The following PRR5L variants were observed in gnomAD, a reference collection of about 807,000 sequenced individuals.
PRR5L encodes proline rich 5 like.
Under a neutral mutation model 36.4 loss-of-function variants are expected in PRR5L, and 21 were observed. The ratio of observed to expected loss-of-function variants is 0.58; its 90% CI spans 0.41 to 0.83. The LOEUF is 0.83. PRR5L is among the 40% of genes least tolerant of loss of function. PRR5L has a pLI of 0.00. For synonymous variants in PRR5L, 188 were observed against 197.0 expected, an observed-to-expected ratio of 0.95 and a Z score of 0.38; for missense variants, 381 against 473.3, an observed-to-expected ratio of 0.80 and a Z score of 1.81.
intron 1 of PRR5L, among the ~76,000 whole-genome samples, chr11:36,333,504 A>C (rs1856739597): frequency 6.6e-6 from 1 of 152,240 alleles, no homozygotes; most frequent in Non-Finnish European, 1.5e-5. Context: ...AGTGGATTAA[A>C]TGAAGTGTGG....
At chr11:36,441,257 G>A (rs1858717064) in intron 6 of PRR5L, among the ~76,000 whole-genome samples, 1 of 152,194 alleles carries the variant, frequency 6.6e-6, no homozygotes, top group South Asian at 2.1e-4. Context: ...CTACGAGCTT[G>A]TAAAATCAAG....
intron 1 of PRR5L, among the ~76,000 whole-genome samples, chr11:36,353,219 T>C (rs1358769668): frequency 1.3e-5 from 2 of 152,112 alleles, no homozygotes; most frequent in Admixed American, 6.5e-5. Context: ...ACATCTATAG[T>C]GGTGACATTT....
chr11:36,340,989 C>T (rs1485593368), intron 1 of PRR5L, among the ~76,000 whole-genome samples: 1 of 152,160 alleles, frequency 6.6e-6, no homozygotes, highest in Non-Finnish European at 1.5e-5. Context: ...TATTAAGCCT[C>T]CGTCCAACTC....
chr11:36,396,099 T>C (rs1857654369), intron 1 of PRR5L: 1 of 152,178 alleles, frequency 6.6e-6, no homozygotes, highest in African/African-American at 2.4e-5. Context: ...AATGAAAATA[T>C]TTTGAAATAT....
At chr11:36,312,851 C>T (rs1392132063) in intron 1 of PRR5L, among the ~76,000 whole-genome samples, 1 of 152,274 alleles carries the variant, frequency 6.6e-6, no homozygotes, top group African/African-American at 2.4e-5. Flanking sequence ...GACCCCTCTA[C>T]TTGAGGTAGA....
chr11:36,439,948 G>A (rs1008016848), intron 6 of PRR5L, among the ~76,000 whole-genome samples: 2 of 152,102 alleles, frequency 1.3e-5, no homozygotes, highest in African/African-American at 4.8e-5. Flanking sequence ...CCTAAAACAA[G>A]AACAGAAAAG....
At chr11:36,458,240 T>A (rs555744891) in intron 8 of PRR5L, among the ~76,000 whole-genome samples, 45 of 152,282 alleles carry the variant, frequency 3.0e-4, no homozygotes, top group Admixed American at 5.9e-4. Context: ...AAGGAACATG[T>A]CTTCTGAGGG....
chr11:36,360,330 A>G (rs1331202074), intron 1 of PRR5L, among the ~76,000 whole-genome samples: 13 of 152,200 alleles, frequency 8.5e-5, no homozygotes. Context: ...ACAGTATTTA[A>G]TAAGCATAAT....
chr11:36,399,493 G>A (rs1857743781), intron 1 of PRR5L, among the ~76,000 whole-genome samples: 1 of 152,198 alleles, frequency 6.6e-6, no homozygotes. Flanking sequence ...ATTTGGAGGT[G>A]AGACTTCGGT....
intron 1 of PRR5L, among the ~76,000 whole-genome samples, chr11:36,368,357 C>CA (rs1482037854): frequency 1.3e-5 from 2 of 151,542 alleles, no homozygotes; most frequent in Non-Finnish European, 2.9e-5. Context: ...GGAAGTGGCA[C>CA]AAAAAAACAA....
intron 4 of PRR5L, 84 bp from the exon 5 acceptor site, chr11:36,431,769 C>CT: frequency 7.7e-7 from 1 of 1,290,964 alleles, no homozygotes; most frequent in East Asian, 2.3e-5. Flanking sequence ...ACTCTGTGCC[C>CT]TTGCCCACTG....
intron 1 of PRR5L, among the ~76,000 whole-genome samples, chr11:36,347,847 G>T (rs1001582602): frequency 2.6e-5 from 4 of 151,918 alleles, no homozygotes; most frequent in African/African-American, 9.7e-5. Flanking sequence ...GGGGAAAAAA[G>T]TTCCTATGGT....
chr11:36,437,730 A>G (rs1365025739), intron 6 of PRR5L, among the ~76,000 whole-genome samples: 1 of 152,120 alleles, frequency 6.6e-6, no homozygotes, highest in Non-Finnish European at 1.5e-5. Flanking sequence ...ATGTCTTTAT[A>G]TTCTTGGAGT....
At chr11:36,343,534 C>T (rs1856836103) in intron 1 of PRR5L, among the ~76,000 whole-genome samples, 1 of 152,186 alleles carries the variant, frequency 6.6e-6, no homozygotes, top group Non-Finnish European at 1.5e-5. Flanking sequence ...AAAGACTTCA[C>T]TGAGCACGCA....
Position 36,351,439 on chromosome 11 carries a change from A to T in PRR5L, c.-125-49558A>T, listed in dbSNP as rs868253764. ...TATATATATTTATATATTTATATAT[A>T]CATATATATTTATATATTTATATAT... On this transcript the variant is annotated intron_variant, in intron 1 of 8. Transcript: ENST00000530639. Among the ~76,000 whole-genome samples, 56 of 52,370 alleles carry T rather than the reference A, an allele frequency of 1.1e-3. 3 individuals are homozygous for T. The highest frequency in any genetic ancestry group is 4.3e-3 in the African/African-American group (56 of 13,130). 34.4% of individuals were successfully genotyped at this position (52,370 alleles called of 152,430 possible). A position where few individuals can be genotyped will look rare whatever the true frequency, so the allele number is the denominator to read the frequency against.
At chr11:36,341,785 G>T (rs1267636725) in intron 1 of PRR5L, among the ~76,000 whole-genome samples, 1 of 152,208 alleles carries the variant, frequency 6.6e-6, no homozygotes, top group Non-Finnish European at 1.5e-5. Context: ...GTTGGGCTCT[G>T]TGGTGTTTAC....
At chr11:36,387,349 T>C (rs1857476843) in intron 1 of PRR5L, among the ~76,000 whole-genome samples, 1 of 152,078 alleles carries the variant, frequency 6.6e-6, no homozygotes, top group African/African-American at 2.4e-5. Context: ...CACACCAACA[T>C]GGCACATGTA....
At chr11:36,372,216 C>T (rs921172201) in intron 1 of PRR5L, among the ~76,000 whole-genome samples, 4 of 152,114 alleles carry the variant, frequency 2.6e-5, no homozygotes, top group Admixed American at 2.0e-4. Context: ...TGTATAACTT[C>T]AAACAAGTCA....
intron 6 of PRR5L, among the ~76,000 whole-genome samples, chr11:36,438,329 G>A (rs1858647564): frequency 6.6e-6 from 1 of 152,036 alleles, no homozygotes; most frequent in Non-Finnish European, 1.5e-5. Context: ...TATTGTTGAA[G>A]TGTGGGCGTC....
Sources: gnomAD v4.1 joint callset for allele counts (sites outside exome capture counted in the v4.1 genomes callset) on GRCh38, gnomAD v4.1.1 for gene constraint, MANE v1.5 for transcripts, NCBI Gene and HGNC (gene_info 2026-07-23, HGNC 2026-07-21) for gene names.